The following MAGI2 variants were observed in gnomAD, a reference collection of about 807,000 sequenced individuals.
The protein encoded by MAGI2 is membrane associated guanylate kinase, WW and PDZ domain containing 2, also known as membrane-associated guanylate kinase, WW and PDZ domain-containing protein 2.
In MAGI2, 35 loss-of-function variants were observed where a neutral mutation model predicts 133.3. The ratio of observed to expected loss-of-function variants is 0.26; its 90% CI spans 0.20 to 0.35. The LOEUF (loss-of-function observed/expected upper bound fraction) is 0.35, where lower values mean the gene tolerates loss of function less well. Ranked by LOEUF, MAGI2 falls within the 10% of genes least tolerant of loss-of-function variation. MAGI2 has a pLI of 1.00. For missense variants in MAGI2, 1,636 were observed against 1,863.4 expected (o/e 0.88, Z 2.25); for synonymous variants, 729 against 710.6 (o/e 1.03, Z -0.41).
intron 1 of MAGI2, among the ~76,000 whole-genome samples, chr7:79,187,310 T>C (rs1348501440): frequency 6.6e-6 from 1 of 151,800 alleles, no homozygotes; most frequent in Non-Finnish European, 1.5e-5. Flanking sequence ...ATTTTATGTT[T>C]CTTCAAAAAG....
chr7:78,685,033 C>T (rs151258914), intron 2 of MAGI2, among the ~76,000 whole-genome samples: 408 of 152,276 alleles, frequency 2.7e-3, no homozygotes, highest in Non-Finnish European at 2.0e-3. Context: ...TATAGCAGGA[C>T]CGATTTAACA....
chr7:79,208,205 G>T (rs895849847), intron 1 of MAGI2, among the ~76,000 whole-genome samples: 2 of 151,820 alleles, frequency 1.3e-5, no homozygotes, highest in Non-Finnish European at 2.9e-5. Context: ...AAACTAAAAA[G>T]CTTCTGCACA....
At chr7:78,029,307 T>G (rs1285215361) in intron 21 of MAGI2, among the ~76,000 whole-genome samples, 1 of 152,218 alleles carries the variant, frequency 6.6e-6, no homozygotes, top group East Asian at 1.9e-4. Flanking sequence ...AGGATGAGTT[T>G]GAATGAGTAA....
chr7:78,611,049 C>T (rs1033128507), intron 3 of MAGI2, among the ~76,000 whole-genome samples: 3 of 152,182 alleles, frequency 2.0e-5, no homozygotes, highest in Non-Finnish European at 1.5e-5. Flanking sequence ...AAATGGTTAA[C>T]ATAATACTTT....
At chr7:79,095,937 C>G (rs543570203) in intron 1 of MAGI2, among the ~76,000 whole-genome samples, 1 of 152,218 alleles carries the variant, frequency 6.6e-6, no homozygotes, top group South Asian at 2.1e-4. Context: ...ACGACAGTAT[C>G]TGGGAAGTGC....
intron 2 of MAGI2, among the ~76,000 whole-genome samples, chr7:78,979,373 A>G (rs1804585206): frequency 1.3e-5 from 2 of 151,862 alleles, no homozygotes; most frequent in Admixed American, 1.3e-4. Flanking sequence ...CAATGCTGGG[A>G]TTATATCAAA....
intron 4 of MAGI2, among the ~76,000 whole-genome samples, chr7:78,506,458 G>A (rs1439944605): frequency 1.3e-5 from 2 of 152,194 alleles, no homozygotes; most frequent in Non-Finnish European, 1.5e-5. Context: ...AAATTGCCAA[G>A]AGACAGGGTG....
At chr7:79,049,215 C>CTT (rs1812456889) in intron 1 of MAGI2, among the ~76,000 whole-genome samples, 1 of 152,106 alleles carries the variant, frequency 6.6e-6, no homozygotes, top group East Asian at 1.9e-4. Context: ...ACATTAAATA[C>CTT]TTAGTTCAAA....
At chr7:78,741,749 G>A (rs1161102528) in intron 2 of MAGI2, among the ~76,000 whole-genome samples, 1 of 151,984 alleles carries the variant, frequency 6.6e-6, no homozygotes, top group Admixed American at 6.6e-5. Context: ...AACTATACTA[G>A]AGTTGTTTAA....
intron 3 of MAGI2, among the ~76,000 whole-genome samples, chr7:78,573,247 A>T (rs866676278): frequency 9.6e-4 from 43 of 44,796 alleles, no homozygotes; most frequent in East Asian, 4.1e-3. Context: ...TATATATATA[A>T]ATATATATAA....
intron 3 of MAGI2, among the ~76,000 whole-genome samples, chr7:78,589,322 C>G (rs1584757022): frequency 6.6e-6 from 1 of 152,258 alleles, no homozygotes; most frequent in Non-Finnish European, 1.5e-5. Flanking sequence ...AGGTACCATT[C>G]TCAATATCTT....
intron 2 of MAGI2, among the ~76,000 whole-genome samples, chr7:78,677,884 T>A (rs1328084362): frequency 6.6e-6 from 1 of 152,034 alleles, no homozygotes; most frequent in Non-Finnish European, 1.5e-5. Flanking sequence ...CTGGGGGAGC[T>A]GTCAGGAGAC....
chr7:78,741,399 ACACACACACACACACACACACACACACAC>A (rs1822411862), intron 2 of MAGI2, among the ~76,000 whole-genome samples: 1 of 142,238 alleles, frequency 7.0e-6, no homozygotes, highest in African/African-American at 2.8e-5. Context: ...ACACACACAC[ACACACACACACACACACACACACACACAC>A]GGGAGGGGGG....
intron 1 of MAGI2, among the ~76,000 whole-genome samples, chr7:79,277,981 T>C (rs1835357316): frequency 6.6e-6 from 1 of 152,088 alleles, no homozygotes; most frequent in Admixed American, 6.6e-5. Flanking sequence ...CCCCCTAACA[T>C]CCTCTAGAAC....
chr7:78,401,796 A>C (rs1258105880), intron 6 of MAGI2, among the ~76,000 whole-genome samples: 1 of 152,202 alleles, frequency 6.6e-6, no homozygotes, highest in Non-Finnish European at 1.5e-5. Context: ...TGGAGACAAT[A>C]ATACCTACCA....
At chr7:78,253,122 T>C (rs1792598179) in intron 10 of MAGI2, 1 of 152,146 alleles carries the variant, frequency 6.6e-6, no homozygotes, top group South Asian at 2.1e-4. Context: ...TGTATCCAAA[T>C]GTTCATAACA....
intron 3 of MAGI2, among the ~76,000 whole-genome samples, chr7:78,620,448 A>G (rs1807606115): frequency 6.6e-6 from 1 of 152,016 alleles, no homozygotes; most frequent in African/African-American, 2.4e-5. Flanking sequence ...ATTGCCTAGA[A>G]AATTATTTGT....
At chr7:78,171,322 G>C (rs1826089212) in intron 14 of MAGI2, among the ~76,000 whole-genome samples, 1 of 152,126 alleles carries the variant, frequency 6.6e-6, no homozygotes, top group Non-Finnish European at 1.5e-5. Flanking sequence ...TTGCGAACAT[G>C]CTTCAGGATA....
chr7:78,964,799 T>C (rs1001307318), intron 2 of MAGI2, among the ~76,000 whole-genome samples: 2 of 152,142 alleles, frequency 1.3e-5, no homozygotes, highest in South Asian at 2.1e-4. Context: ...GAACTTATGA[T>C]GACTTTACTT....
Sources: allele counts gnomAD v4.1 joint callset (sites outside exome capture counted in the v4.1 genomes callset), GRCh38; gene constraint gnomAD v4.1.1; transcripts MANE v1.5; gene names NCBI Gene and HGNC (gene_info 2026-07-23, HGNC 2026-07-21).